SMAD5: variants seen among roughly 807,000 people sequenced by gnomAD.
SMAD5 encodes MAD, mothers against decapentaplegic homolog 5.
Under a neutral mutation model 43.1 loss-of-function variants are expected in SMAD5, and 9 were observed. The observed-to-expected ratio is 0.21, with a 90% CI of 0.13 to 0.36. The LOEUF is 0.36. SMAD5 is among the 10% of genes least tolerant of loss of function. The pLI, the probability that SMAD5 is intolerant of heterozygous loss-of-function variation, is 1.00. For synonymous variants in SMAD5, 190 were observed against 192.4 expected (o/e 0.99, Z 0.10); for missense variants, 348 against 574.0 (o/e 0.61, Z 4.02).
At chr5:136,145,974 C>T (rs975852175) in intron 1 of SMAD5, among the ~76,000 whole-genome samples, 2 of 151,840 alleles carry the variant, frequency 1.3e-5, no homozygotes, top group Admixed American at 1.3e-4. Flanking sequence ...CTTCTTTTAG[C>T]GACCTTTATA....
chr5:136,149,277 T>A (rs934814673), intron 2 of SMAD5, among the ~76,000 whole-genome samples: 3 of 151,886 alleles, frequency 2.0e-5, no homozygotes, highest in African/African-American at 7.2e-5. Context: ...TAAATAAAGT[T>A]GTTAGGAACA....
intron 5 of SMAD5, among the ~76,000 whole-genome samples, chr5:136,167,132 TC>T (rs1253588807): frequency 2.0e-5 from 3 of 152,026 alleles, no homozygotes; most frequent in Non-Finnish European, 2.9e-5. Context: ...GTTCCTCTTT[TC>T]CTTTTAACCA....
chr5:136,158,226 TA>T (rs1448833670), intron 3 of SMAD5, among the ~76,000 whole-genome samples: 2 of 151,402 alleles, frequency 1.3e-5, no homozygotes, highest in African/African-American at 4.9e-5. Context: ...GAACAAAGGA[TA>T]AAAAAAGCCC....
intron 3 of SMAD5, 130 bp downstream of exon 3, chr5:136,154,293 C>A: frequency 1.7e-6 from 1 of 595,248 alleles, no homozygotes. Flanking sequence ...ATATTCTAAT[C>A]TTGGAAGGGC....
intron 1 of SMAD5, among the ~76,000 whole-genome samples, chr5:136,139,886 T>G (rs970569429): frequency 2.0e-5 from 3 of 152,112 alleles, no homozygotes; most frequent in Admixed American, 6.5e-5. Flanking sequence ...AACAATTTTT[T>G]TTTGTAGAGA....
chr5:136,161,160 G>T, intron 4 of SMAD5, 53 bp downstream of exon 4: 1 of 1,560,258 alleles, frequency 6.4e-7, no homozygotes, highest in Non-Finnish European at 8.7e-7. Context: ...AAGAATCACA[G>T]TTGTTCTTAC....
chr5:136,155,337 G>C (rs1375584514), intron 3 of SMAD5, among the ~76,000 whole-genome samples: 3 of 152,068 alleles, frequency 2.0e-5, no homozygotes, highest in Admixed American at 2.0e-4. Context: ...GCTGTTTGCT[G>C]CACCTTCAAA....
At chr5:136,140,705 C>T (rs929616059) in intron 1 of SMAD5, among the ~76,000 whole-genome samples, 10 of 151,754 alleles carry the variant, frequency 6.6e-5, no homozygotes, top group Non-Finnish European at 1.2e-4. Flanking sequence ...ACTTCTTGTC[C>T]ACCTTCCCCT....
chr5:136,165,068 A>G (rs1307967444), intron 5 of SMAD5, among the ~76,000 whole-genome samples: 1 of 152,150 alleles, frequency 6.6e-6, no homozygotes, highest in Non-Finnish European at 1.5e-5. Context: ...TCTATACCTC[A>G]TAGTCTTGAT....
At chr5:136,161,308 TA>T (rs2149773437) in intron 4 of SMAD5, among the ~76,000 whole-genome samples, 1 of 152,328 alleles carries the variant, frequency 6.6e-6, no homozygotes, top group East Asian at 1.9e-4. Context: ...AAAATGGAAG[TA>T]GCCCTATTTG....
chr5:136,150,155 A>C (rs1010585030), intron 2 of SMAD5, among the ~76,000 whole-genome samples: 1 of 150,740 alleles, frequency 6.6e-6, no homozygotes, highest in African/African-American at 2.4e-5. Context: ...TCTGTTGCAA[A>C]CTTTTTTTTT....
intron 3 of SMAD5, among the ~76,000 whole-genome samples, chr5:136,155,187 T>C (rs1196520133): frequency 6.6e-6 from 1 of 152,220 alleles, no homozygotes; most frequent in Non-Finnish European, 1.5e-5. Flanking sequence ...AAATGTAATA[T>C]GTCTAAGCGC....
chr5:136,164,611 A>G (rs1410618908), intron 5 of SMAD5, among the ~76,000 whole-genome samples: 1 of 152,098 alleles, frequency 6.6e-6, no homozygotes, highest in Non-Finnish European at 1.5e-5. Flanking sequence ...TATATTCTGG[A>G]TATGAATCCT....
At chr5:136,146,142 A>G (rs988488734) in intron 1 of SMAD5, among the ~76,000 whole-genome samples, 6 of 151,918 alleles carry the variant, frequency 3.9e-5, no homozygotes, top group African/African-American at 1.2e-4. Flanking sequence ...ATAGGCACTC[A>G]GTAAATATGT....
At chr5:136,138,548 A>T (rs1454055535) in intron 1 of SMAD5, among the ~76,000 whole-genome samples, 1 of 152,174 alleles carries the variant, frequency 6.6e-6, no homozygotes, top group Non-Finnish European at 1.5e-5. Flanking sequence ...TACAAAGTTG[A>T]TAGCAGTTGT....
chr5:136,163,131 C>A, intron 4 of SMAD5, 141 bp from the exon 5 acceptor site: 1 of 618,782 alleles, frequency 1.6e-6, no homozygotes, highest in Non-Finnish European at 2.7e-6. Context: ...TTTTCCCTTG[C>A]CCTAGGATAG....
intron 6 of SMAD5, among the ~76,000 whole-genome samples, chr5:136,173,654 T>C (rs550115863): frequency 1.7e-3 from 252 of 152,168 alleles, no homozygotes; most frequent in African/African-American, 5.9e-3. Flanking sequence ...AATCAGTTTT[T>C]TCTTTTTCCC....
intron 1 of SMAD5, among the ~76,000 whole-genome samples, chr5:136,141,979 A>C (rs1238275095): frequency 6.6e-6 from 1 of 152,188 alleles, no homozygotes; most frequent in Non-Finnish European, 1.5e-5. Flanking sequence ...CTCTTCAAGA[A>C]ATATGTTTAT....
rs570059299 is a variant in SMAD5, at chr5:136,182,524, C to G, written c.*5044C>G. The G allele has an allele frequency of 2.0e-5, 3 of 152,686 alleles. No individual in the cohort carries two copies. Among genetic ancestry groups the G allele is most frequent in the African/African-American group, 7.2e-5 (3 of 41,566 alleles). The allele number at this position is 152,686 out of a possible 1,614,324, so 9.5% of individuals were successfully genotyped here. On this transcript the variant is annotated 3_prime_UTR_variant, in exon 8 of 8. Transcript: ENST00000545279. ...AATGAAGACCAAGCTAGTGGCTGCA[C>G]TGTAGGTCTGCTGCTTATTTGTATT...
Sources: gnomAD v4.1 joint callset for allele counts (sites outside exome capture counted in the v4.1 genomes callset) on GRCh38, gnomAD v4.1.1 for gene constraint, MANE v1.5 for transcripts, NCBI Gene and HGNC (gene_info 2026-07-23, HGNC 2026-07-21) for gene names.